Variants in NIBAN2 observed in about 807,000 individuals in gnomAD.
NIBAN2 encodes the protein protein Niban 2.
NIBAN2 carries 36 observed loss-of-function variants against 81.8 expected under a neutral mutation model. The observed-to-expected ratio is 0.44, with a 90% CI of 0.34 to 0.58. The LOEUF (loss-of-function observed/expected upper bound fraction) is 0.58, where lower values mean the gene tolerates loss of function less well. NIBAN2 is among the 20% of genes least tolerant of loss of function. NIBAN2 has a pLI of 0.02. For missense variants in NIBAN2, 897 were observed against 1,014.1 expected (o/e 0.88, Z 1.57); for synonymous variants, 445 against 441.6 (o/e 1.01, Z -0.10).
intron 1 of NIBAN2, chr9:127,561,083 A>AC (rs1246506390): frequency 2.2e-5 from 22 of 979,592 alleles, no homozygotes; most frequent in Non-Finnish European, 2.5e-5. Flanking sequence ...CCATCTTCTA[A>AC]CCCTTTTCCT....
At position 127,523,673 on chromosome 9, in the gene NIBAN2, A is replaced by G; in HGVS notation, c.589+6T>C. On this transcript the variant is annotated splice_donor_region_variant and intron_variant, in intron 5 of 13. Transcript: ENST00000373312. ...CCCACCGACCCTGCACCCACAGGCC[A>G]CTCACCATTGTTGCAGTGCCGGATG... 6.2e-7 allele frequency: 1 copy of G among 1,605,732 alleles called. No individual in the cohort carries two copies.
rs1328951628 is a variant in NIBAN2, at chr9:127,508,515, C to T, written c.1341G>A (p.Thr447=). Reference sequence around the variant, plus strand: ...GCTCCTGGTGCAGGAGGGTCTCGAACGTATACACGGCATTGTCCATTTGCT... The same window carrying T: ...GCTCCTGGTGCAGGAGGGTCTCGAATGTATACACGGCATTGTCCATTTGCT... ...MREQMDNAVY[T]FETLLHQELG... is the part of the protein sequence containing the mutation. The change falls in exon 11 of 14, where the codon ACG becomes ACA. Residue 447 remains threonine, a synonymous_variant. Transcript: ENST00000373312. This position sits in a 1 kb window ranked among gnomAD's most constrained non-coding sequence, Gnocchi z 6.4. 14 of 1,613,772 alleles carry T rather than the reference C, an allele frequency of 8.7e-6. No individual in the cohort carries two copies. Among genetic ancestry groups the T allele is most frequent in the Admixed American group, 3.3e-5 (2 of 60,002 alleles).
chr9:127,506,887 G>A lies in NIBAN2; in HGVS notation c.2199C>T (p.His733=). ...VSSPSSHPAL[H]TTTEDSAGVQ... ...CCCCTGCACTGTCCTCGGTGGTGGT[G>A]TGGAGGGCGGGGTGGCTGCTGGGGC... The change falls in exon 14 of 14, where the codon CAC becomes CAT. Residue 733 remains histidine (H), a synonymous_variant. Coordinates refer to ENST00000373312, the MANE Select transcript of NIBAN2 (RefSeq NM_022833.4). The A allele has an allele frequency of 1.9e-6, 3 of 1,612,714 alleles. No individual in the cohort carries two copies. The highest frequency in any genetic ancestry group is 2.5e-6 in the Non-Finnish European group (3 of 1,179,544).
chr9:127,571,720 A>AT (rs11374466), upstream of NIBAN2, among the ~76,000 whole-genome samples: 1 of 151,710 alleles, frequency 6.6e-6, no homozygotes, highest in Non-Finnish European at 1.5e-5. Flanking sequence ...AAAGAAAAAA[A>AT]CAGAAAGTGG....
intron 5 of NIBAN2, among the ~76,000 whole-genome samples, chr9:127,519,889 C>A (rs1473132267): frequency 6.6e-6 from 1 of 152,222 alleles, no homozygotes; most frequent in East Asian, 1.9e-4. Context: ...ACTGGAAAAT[C>A]TGGACAGTGC....
chr9:127,513,799 A>T (rs1291976514), intron 8 of NIBAN2, among the ~76,000 whole-genome samples: 2 of 151,998 alleles, frequency 1.3e-5, no homozygotes, highest in Admixed American at 6.6e-5. Flanking sequence ...TTCTTAATAA[A>T]CTTGCTTTAA....
chr9:127,551,577 G>A (rs1294264774), intron 1 of NIBAN2, among the ~76,000 whole-genome samples: 3 of 150,776 alleles, frequency 2.0e-5, no homozygotes, highest in Admixed American at 6.6e-5. Flanking sequence ...TTAGCCAGGC[G>A]TGGTGCACAT....
At chr9:127,566,254 T>G (rs1837857577) in intron 1 of NIBAN2, among the ~76,000 whole-genome samples, 1 of 152,186 alleles carries the variant, frequency 6.6e-6, no homozygotes, top group South Asian at 2.1e-4. Flanking sequence ...TGAAAGGGAC[T>G]TCAGCCATCG....
At chr9:127,549,953 G>T (rs1323712541) in intron 1 of NIBAN2, among the ~76,000 whole-genome samples, 3 of 152,146 alleles carry the variant, frequency 2.0e-5, no homozygotes, top group Non-Finnish European at 4.4e-5. Context: ...CCAGGTGCCT[G>T]CGTGACCCCA....
chr9:127,508,525 G>A lies in NIBAN2; in HGVS notation c.1331C>T (p.Ala444Val), dbSNP rs1253502362. ...CAGGAGGGTCTCGAACGTATACACGGCATTGTCCATTTGCTGCAGGGCATA... is the reference window on the plus strand; with the variant it reads ...CAGGAGGGTCTCGAACGTATACACGACATTGTCCATTTGCTGCAGGGCATA... ...QIHMREQMDN[A>V]VYTFETLLHQ... The change falls in exon 11 of 14, where the codon GCC (alanine) becomes GTC (valine). Residue 444 changes from alanine (A) to valine (V), a missense_variant. Ala to Val is a moderately conservative substitution (Grantham distance 64, BLOSUM62 0). Coordinates refer to ENST00000373312, the MANE Select transcript of NIBAN2 (RefSeq NM_022833.4). This position sits in a 1 kb window ranked among gnomAD's most constrained non-coding sequence, Gnocchi z 6.4. 1.2e-6 allele frequency: 2 copies of A among 1,613,580 alleles called. No individual in the cohort carries two copies. Among genetic ancestry groups the A allele is most frequent in the Non-Finnish European group, 1.7e-6 (2 of 1,179,782 alleles).
rs377130270 is a variant in NIBAN2, at chr9:127,578,928, T to C, written c.10A>G (p.Met4Val). 2.0e-5 allele frequency: 32 copies of C among 1,611,100 alleles called. No individual in the cohort carries two copies. In the African/African-American group the frequency reaches 3.6e-4, roughly 18 times the overall value. ...ACTTGTGCACAAGTCTTACCTCCCATCCACCCCATCCTCCAGAGTGAGAGC... is the reference window on the plus strand; with the variant it reads ...ACTTGTGCACAAGTCTTACCTCCCACCCACCCCATCCTCCAGAGTGAGAGC... Residue 4 changes from methionine (M) to valine (V), a missense_variant, in exon 1 of 14, where the codon ATG (methionine) becomes GTG (valine). By Grantham distance (21) the Met-to-Val change is conservative. Transcript: ENST00000373314.
In NIBAN2 at chr9:127,506,636, C is replaced by G; in HGVS notation, c.*209G>C. 2 of 446,312 alleles carry G rather than the reference C, an allele frequency of 4.5e-6. No individual in the cohort carries two copies. The highest frequency in any genetic ancestry group is 7.9e-6 in the Non-Finnish European group (2 of 254,522). 27.6% of individuals were successfully genotyped at this position (446,312 alleles called of 1,614,324 possible). A position where few individuals can be genotyped will look rare whatever the true frequency, so the allele number is the denominator to read the frequency against. On this transcript the variant is annotated 3_prime_UTR_variant, in exon 14 of 14. Transcript: ENST00000373312. ...CAAAACCAGCCCCTGCATCTGAGATCATCCCACAGAAGAGAAAACAGGGAG... is the reference window on the plus strand; with the variant it reads ...CAAAACCAGCCCCTGCATCTGAGATGATCCCACAGAAGAGAAAACAGGGAG...
At chr9:127,570,918 G>T (rs933943482), upstream of NIBAN2, among the ~76,000 whole-genome samples, 1 of 152,272 alleles carries the variant, frequency 6.6e-6, no homozygotes, top group Admixed American at 6.5e-5. Context: ...GTGAGGCAGA[G>T]GGAGAACCTG....
chr9:127,562,970 A>T (rs1837797918), intron 1 of NIBAN2, among the ~76,000 whole-genome samples: 1 of 152,178 alleles, frequency 6.6e-6, no homozygotes, highest in Non-Finnish European at 1.5e-5. Flanking sequence ...GGTAAAGTGT[A>T]ATGATCGACA....
chr9:127,523,775 G>A lies in NIBAN2; in HGVS notation c.493C>T (p.Pro165Ser). ...PTQFPLILWH[P>S]YARHYYFCMM... ...CAGAAGTAGTAGTGACGCGCATAAG[G>A]ATGCCAGAGGATGAGCGGGAACTGT... Residue 165 changes from proline (P) to serine (S), a missense_variant, in exon 5 of 14, where the codon CCT becomes TCT. This residue lies in a region of NIBAN2 where 69 missense variants were observed against 114.7 expected (regional missense o/e 0.60). Transcript: ENST00000373312. 6.2e-7 allele frequency: 1 copy of A among 1,614,098 alleles called. No individual in the cohort carries two copies. Among genetic ancestry groups the A allele is most frequent in the Non-Finnish European group, 8.5e-7 (1 of 1,180,004 alleles).
At chr9:127,534,208 GAC>G (rs1004718962) in intron 1 of NIBAN2, among the ~76,000 whole-genome samples, 3 of 152,204 alleles carry the variant, frequency 2.0e-5, no homozygotes, top group African/African-American at 7.2e-5. Context: ...TGCCATCTCT[GAC>G]AGTCTTGGAT....
intron 1 of NIBAN2, among the ~76,000 whole-genome samples, chr9:127,549,374 T>C (rs1009122301): frequency 1.3e-5 from 2 of 151,812 alleles, no homozygotes; most frequent in African/African-American, 2.4e-5. Flanking sequence ...TGCACTCACA[T>C]GTGCATGCAC....
At chr9:127,571,127 G>A (rs1300449149), upstream of NIBAN2, among the ~76,000 whole-genome samples, 2 of 152,204 alleles carry the variant, frequency 1.3e-5, no homozygotes, top group African/African-American at 2.4e-5. Flanking sequence ...CTAGGCCAGG[G>A]GGGTTAGAGA....
At chr9:127,509,790 CCT>C (rs1564294134) in intron 9 of NIBAN2, 24 of 88,956 alleles carry the variant, frequency 2.7e-4, no homozygotes, top group African/African-American at 1.1e-3. Context: ...CTCCTTCCCT[CCT>C]TCCCTCCTCT....
Sources: gnomAD v4.1 joint callset for allele counts (sites outside exome capture counted in the v4.1 genomes callset) on GRCh38, gnomAD v4.1.1 for gene constraint, gnomAD v4.1.1 regional missense constraint, Gnocchi (gnomAD v3.1) non-coding constraint, MANE v1.5 for transcripts, NCBI Gene and HGNC (gene_info 2026-07-23, HGNC 2026-07-21) for gene names.